ELMO1: variants seen among roughly 807,000 people sequenced by gnomAD.
ELMO1 encodes the protein engulfment and cell motility 1.
ELMO1 carries 26 observed loss-of-function variants against 98.9 expected under a neutral mutation model. That is an observed-to-expected ratio of 0.26 (90% CI 0.19 to 0.36). ELMO1 has a LOEUF of 0.36. Among genes scored for constraint, ELMO1 ranks in the 10% least tolerant of loss-of-function variants. The probability of loss-of-function intolerance (pLI) is 1.00; values close to 1 mark genes in which losing one functional copy is unlikely to be tolerated. For synonymous variants in ELMO1, 346 were observed against 346.0 expected (o/e 1.00, Z 0.00); for missense variants, 627 against 935.2 (o/e 0.67, Z 4.30).
chr7:37,426,145 T>TC (rs1554311865), intron 1 of ELMO1, among the ~76,000 whole-genome samples: 4 of 126,874 alleles, frequency 3.2e-5, no homozygotes, highest in South Asian at 2.6e-4. Context: ...TTTCTTTCTT[T>TC]TTTTTTTTTT....
chr7:37,168,934 T>C (rs937026572), intron 13 of ELMO1, among the ~76,000 whole-genome samples: 22 of 152,276 alleles, frequency 1.4e-4, no homozygotes, highest in Middle Eastern at 3.4e-3. Context: ...CTGTGCCCTG[T>C]CCCCAGAGGT....
chr7:37,012,873 C>A lies in ELMO1; in HGVS notation c.1437+426G>T, dbSNP rs528982780. Among the ~76,000 whole-genome samples, 122 of 152,270 alleles carry A rather than the reference C, an allele frequency of 8.0e-4. No individual in the cohort carries two copies. The Middle Eastern group carries it at 0.01, about 13-fold the overall frequency. ...ACACATCCATAATCCACAAAGAAAC[C>A]ACCGGACTAGGTGGAGCAGTATTCC... is the stretch of plus-strand genomic sequence containing the variant. On this transcript the variant is annotated intron_variant, in intron 16 of 21. Transcript: ENST00000310758.
intron 7 of ELMO1, among the ~76,000 whole-genome samples, chr7:37,236,718 C>G (rs1404083048): frequency 6.6e-6 from 1 of 152,158 alleles, no homozygotes; most frequent in Non-Finnish European, 1.5e-5. Flanking sequence ...TTCAAACTCT[C>G]AGTTGCAAAG....
intron 15 of ELMO1, among the ~76,000 whole-genome samples, chr7:37,056,203 C>A (rs1438826981): frequency 6.6e-6 from 1 of 152,136 alleles, no homozygotes; most frequent in East Asian, 1.9e-4. Flanking sequence ...AGATCCCTAG[C>A]CAGTTCTTTA....
intron 15 of ELMO1, among the ~76,000 whole-genome samples, chr7:37,027,586 A>G (rs1348726117): frequency 1.3e-5 from 2 of 151,958 alleles, no homozygotes. Context: ...GATGTATACT[A>G]GTAAACAAAA....
At chr7:37,217,825 ACT>A in intron 10 of ELMO1, 3 of 456,456 alleles carry the variant, frequency 6.6e-6, no homozygotes, top group South Asian at 4.7e-5. Flanking sequence ...AATTCAGAGG[ACT>A]CTGTTAGAGG....
intron 5 of ELMO1, among the ~76,000 whole-genome samples, chr7:37,268,449 C>CA (rs1796374907): frequency 1.3e-5 from 2 of 152,256 alleles, no homozygotes; most frequent in South Asian, 4.2e-4. Flanking sequence ...TACAGGTGCC[C>CA]ACCACCATTC....
chr7:37,244,434 G>A, intron 6 of ELMO1, 43 bp from the exon 7 acceptor site: 1 of 1,599,058 alleles, frequency 6.3e-7, no homozygotes. Context: ...ATACTTAAAA[G>A]CAACAATTTT....
intron 16 of ELMO1, among the ~76,000 whole-genome samples, chr7:36,973,989 G>C (rs980132006): frequency 6.6e-6 from 1 of 152,210 alleles, no homozygotes; most frequent in Non-Finnish European, 1.5e-5. Flanking sequence ...GGCAGGGCTC[G>C]GGACCTGCAG....
chr7:37,225,416 C>T (rs1327358142), intron 8 of ELMO1, among the ~76,000 whole-genome samples: 1 of 152,056 alleles, frequency 6.6e-6, no homozygotes, highest in Non-Finnish European at 1.5e-5. Context: ...ATTGCCATTC[C>T]TCTTGCATTC....
At chr7:37,163,034 T>C (rs1159470248) in intron 13 of ELMO1, among the ~76,000 whole-genome samples, 3 of 152,244 alleles carry the variant, frequency 2.0e-5, no homozygotes. Flanking sequence ...CTTGGTTGCC[T>C]TATTTTCAAG....
intron 1 of ELMO1, among the ~76,000 whole-genome samples, chr7:37,392,270 G>A (rs1337842718): frequency 6.6e-6 from 1 of 152,170 alleles, no homozygotes; most frequent in African/African-American, 2.4e-5. Flanking sequence ...CATGGCCAGT[G>A]GTCTCTGAGG....
intron 6 of ELMO1, among the ~76,000 whole-genome samples, chr7:37,255,074 G>T (rs1177352091): frequency 2.0e-5 from 3 of 152,140 alleles, no homozygotes; most frequent in Non-Finnish European, 4.4e-5. Context: ...AAGCAAAAAT[G>T]ATTGTGTCCC....
intron 2 of ELMO1, among the ~76,000 whole-genome samples, chr7:37,319,148 A>G (rs1198915866): frequency 2.0e-5 from 3 of 152,180 alleles, no homozygotes; most frequent in African/African-American, 7.2e-5. Flanking sequence ...TCTGTTAGAC[A>G]GAACATTTTA....
chr7:37,309,478 C>T (rs1040157535), intron 4 of ELMO1, among the ~76,000 whole-genome samples: 2 of 152,234 alleles, frequency 1.3e-5, no homozygotes, highest in Non-Finnish European at 2.9e-5. Context: ...ACTGGCCCAA[C>T]AGGAGCTAGC....
intron 14 of ELMO1, among the ~76,000 whole-genome samples, chr7:37,123,967 G>A (rs558317851): frequency 6.6e-6 from 1 of 152,314 alleles, no homozygotes; most frequent in African/African-American, 2.4e-5. Flanking sequence ...TCCCTGGGAT[G>A]CAAGGCTGGT....
chr7:37,358,693 A>G (rs1232335862), intron 1 of ELMO1, among the ~76,000 whole-genome samples: 1 of 152,146 alleles, frequency 6.6e-6, no homozygotes, highest in Admixed American at 6.5e-5. Context: ...AAACTCCTAC[A>G]AACTTTATAG....
intron 4 of ELMO1, among the ~76,000 whole-genome samples, chr7:37,293,320 G>C (rs1229046949): frequency 8.2e-6 from 1 of 122,432 alleles, no homozygotes; most frequent in Admixed American, 8.1e-5. Flanking sequence ...GGTGGTTGCC[G>C]TGTCTGTGTA....
chr7:37,006,356 G>C (rs1196305217), intron 16 of ELMO1, among the ~76,000 whole-genome samples: 1 of 152,196 alleles, frequency 6.6e-6, no homozygotes, highest in African/African-American at 2.4e-5. Context: ...AACCTAATGA[G>C]AGCTTAATCC....
Sources: allele counts gnomAD v4.1 joint callset (sites outside exome capture counted in the v4.1 genomes callset), GRCh38; gene constraint gnomAD v4.1.1; transcripts MANE v1.5; gene names NCBI Gene and HGNC (gene_info 2026-07-23, HGNC 2026-07-21).